Variants in SLC25A48 observed in about 807,000 individuals in gnomAD.
The protein encoded by SLC25A48 is CTC-321K16.1.
SLC25A48 carries 29 observed loss-of-function variants against 32.2 expected under a neutral mutation model. The observed-to-expected ratio is 0.90, with a 90% CI of 0.67 to 1.23. The LOEUF (loss-of-function observed/expected upper bound fraction) is 1.23, where lower values mean the gene tolerates loss of function less well. Ranked by LOEUF, SLC25A48 falls within the 50% of genes most tolerant of loss-of-function variation. The pLI is 0.00. For missense variants in SLC25A48, 399 were observed against 422.7 expected (o/e 0.94, Z 0.49); for synonymous variants, 164 against 172.3 (o/e 0.95, Z 0.38).
At position 135,888,614 on chromosome 5, in the gene SLC25A48, G is replaced by T. The variant is rs1762818106; in HGVS notation, c.*590G>T. 1 of 152,426 alleles carries T rather than the reference G, an allele frequency of 6.6e-6. No homozygotes were observed. Among genetic ancestry groups the T allele is most frequent in the Non-Finnish European group, 1.5e-5 (1 of 68,198 alleles). The allele number at this position is 152,426 out of a possible 1,614,324, so 9.4% of individuals were successfully genotyped here. A position where few individuals can be genotyped will look rare whatever the true frequency, so the allele number is the denominator to read the frequency against. Reference sequence around the variant, plus strand: ...ATCCTCAGGTCTGCAGCAAATAAATGAAAGTTTCTTTATTTTTTATTAACT... The same window carrying T: ...ATCCTCAGGTCTGCAGCAAATAAATTAAAGTTTCTTTATTTTTTATTAACT... On this transcript the variant is annotated 3_prime_UTR_variant, in exon 8 of 8. Coordinates refer to ENST00000681962, the MANE Select transcript of SLC25A48 (RefSeq NM_001349336.2).
chr5:135,587,089 G>A (rs992114616), intron 1 of SLC25A48, among the ~76,000 whole-genome samples: 1 of 152,112 alleles, frequency 6.6e-6, no homozygotes, highest in Non-Finnish European at 1.5e-5. Context: ...GGAGTGCAGT[G>A]GTGTGATCTC....
intron 3 of SLC25A48, among the ~76,000 whole-genome samples, chr5:135,789,872 G>T (rs967701424): frequency 1.3e-5 from 2 of 151,942 alleles, no homozygotes; most frequent in Non-Finnish European, 2.9e-5. Flanking sequence ...TAATTTCACA[G>T]GGTGTACACC....
intron 7 of SLC25A48, chr5:135,883,062 G>T: frequency 1.0e-6 from 1 of 985,250 alleles, no homozygotes; most frequent in Non-Finnish European, 1.2e-6. Context: ...TTTTTCCCAG[G>T]GTCTCATCCC....
At chr5:135,821,506 G>A (rs569038022) in intron 4 of SLC25A48, among the ~76,000 whole-genome samples, 2 of 152,292 alleles carry the variant, frequency 1.3e-5, no homozygotes, top group South Asian at 2.1e-4. Context: ...ACCATCTACT[G>A]GAGGTGCTGA....
At chr5:135,666,365 T>G (rs1198858381) in intron 3 of SLC25A48, among the ~76,000 whole-genome samples, 1 of 152,202 alleles carries the variant, frequency 6.6e-6, no homozygotes, top group Non-Finnish European at 1.5e-5. Flanking sequence ...TGATGCAGTT[T>G]TTCAGTAAAA....
chr5:135,705,532 G>A (rs1248870197), intron 3 of SLC25A48, among the ~76,000 whole-genome samples: 1 of 152,218 alleles, frequency 6.6e-6, no homozygotes, highest in Non-Finnish European at 1.5e-5. Context: ...CAAAGCATGA[G>A]GTATGTTTCC....
chr5:135,639,966 G>A (rs1752794583), intron 3 of SLC25A48, among the ~76,000 whole-genome samples: 1 of 152,030 alleles, frequency 6.6e-6, no homozygotes, highest in African/African-American at 2.4e-5. Flanking sequence ...AAAACCATAA[G>A]GCAACCCAGA....
chr5:135,880,984 C>A (rs1026039287), intron 7 of SLC25A48, among the ~76,000 whole-genome samples: 10 of 152,062 alleles, frequency 6.6e-5, no homozygotes, highest in African/African-American at 2.2e-4. Context: ...GACACCCTCA[C>A]TCCCCAGGTG....
intron 1 of SLC25A48, among the ~76,000 whole-genome samples, chr5:135,837,577 G>A (rs1349835386): frequency 2.0e-5 from 3 of 152,140 alleles, no homozygotes; most frequent in Non-Finnish European, 1.5e-5. Flanking sequence ...CACATGTCAT[G>A]GGAGGGACCC....
Position 135,724,596 on chromosome 5 carries a change from C to T in SLC25A48, c.-520-87927C>T, listed in dbSNP as rs554307484. 3.3e-5 allele frequency among the ~76,000 whole-genome samples: 5 copies of T among 152,354 alleles called. No homozygotes were observed. In the South Asian group the frequency reaches 6.2e-4, roughly 19 times the overall value. On this transcript the variant is annotated intron_variant, in intron 3 of 10. Transcript: ENST00000646290. The stretch of plus-strand genomic sequence containing the variant: ...AGTGTGTGCCTGGCTGACATGGGGA[C>T]TTAGAGGCCTGTGTCTGGCAGAAGT...
At chr5:135,585,892 T>C (rs1350883093) in intron 1 of SLC25A48, among the ~76,000 whole-genome samples, 1 of 152,254 alleles carries the variant, frequency 6.6e-6, no homozygotes, top group Non-Finnish European at 1.5e-5. Flanking sequence ...TCTTGTTTTA[T>C]GATTATTAAA....
chr5:135,825,768 T>A (rs1758029663), intron 4 of SLC25A48: 1 of 152,570 alleles, frequency 6.6e-6, no homozygotes, highest in Non-Finnish European at 1.5e-5. Flanking sequence ...GATGCCCCTC[T>A]CTCCAGGGAC....
At chr5:135,732,357 AAAT>A (rs1365968923) in intron 3 of SLC25A48, among the ~76,000 whole-genome samples, 1 of 152,182 alleles carries the variant, frequency 6.6e-6, no homozygotes, top group East Asian at 1.9e-4. Flanking sequence ...AAAAGGGAAG[AAAT>A]GACCACGGTG....
At chr5:135,778,077 A>AT (rs1330186221) in intron 3 of SLC25A48, among the ~76,000 whole-genome samples, 1 of 151,708 alleles carries the variant, frequency 6.6e-6, no homozygotes, top group Non-Finnish European at 1.5e-5. Context: ...CCCCTGTGAT[A>AT]TTATTCCTAA....
rs114675898 is a variant in SLC25A48 at position 135,640,905 on chromosome 5, A to G, written c.-521+5949A>G. Among the ~76,000 whole-genome samples, 674 of 152,338 alleles carry G rather than the reference A, an allele frequency of 4.4e-3. 7 individuals carry two copies. Among genetic ancestry groups the G allele is most frequent in the African/African-American group, 0.015 (639 of 41,582 alleles). ...AGCAAACATCATACTTAATCATTCA[A>G]GACTGAACATTTTTCCCCTAAGATC... On this transcript the variant is annotated intron_variant, in intron 3 of 10. Coordinates refer to the SLC25A48 transcript ENST00000646290.
chr5:135,817,645 C>CA (rs1009852798), intron 4 of SLC25A48, among the ~76,000 whole-genome samples: 2 of 151,956 alleles, frequency 1.3e-5, no homozygotes, highest in African/African-American at 2.4e-5. Context: ...AGATAGCATA[C>CA]AAAAAACACA....
At chr5:135,798,065 G>C (rs1449194742) in intron 3 of SLC25A48, among the ~76,000 whole-genome samples, 1 of 151,854 alleles carries the variant, frequency 6.6e-6, no homozygotes, top group Middle Eastern at 3.2e-3. Context: ...AAAAGAGAAT[G>C]ATATTACTCC....
intron 3 of SLC25A48, among the ~76,000 whole-genome samples, chr5:135,778,457 G>A (rs1047380717): frequency 3.3e-5 from 5 of 150,702 alleles, no homozygotes; most frequent in African/African-American, 9.7e-5. Flanking sequence ...ACCCCACCCC[G>A]TCCCCCCGCT....
Position 135,644,496 on chromosome 5 carries a change from A to G in SLC25A48, c.-521+9540A>G, listed in dbSNP as rs1439363482. Among the ~76,000 whole-genome samples, 9 of 152,196 alleles carry G rather than the reference A, an allele frequency of 5.9e-5. No individual in the cohort carries two copies. The South Asian group carries it at 1.9e-3, about 32-fold the overall frequency. On this transcript the variant is annotated intron_variant, in intron 3 of 10. Coordinates refer to the SLC25A48 transcript ENST00000646290. ...TGGGGCAGTGCCACCTGCTAATATT[A>G]ATGAAAATAGCCAGCATTTGTTCTA...
Sources: gnomAD v4.1 joint callset for allele counts (sites outside exome capture counted in the v4.1 genomes callset) on GRCh38, gnomAD v4.1.1 for gene constraint, MANE v1.5 for transcripts, NCBI Gene and HGNC (gene_info 2026-07-23, HGNC 2026-07-21) for gene names.